Variants in MDGA2 observed in about 807,000 individuals in gnomAD.
The protein encoded by MDGA2 is MAM domain containing glycosylphosphatidylinositol anchor 2.
In MDGA2, 40 loss-of-function variants were observed where a neutral mutation model predicts 117.8. The ratio of observed to expected loss-of-function variants is 0.34; its 90% confidence interval spans 0.26 to 0.44. The LOEUF (loss-of-function observed/expected upper bound fraction) is 0.44. MDGA2 is among the 20% of genes least tolerant of loss of function. The pLI is 1.00. For missense variants in MDGA2, 1,123 were observed against 1,250.6 expected, an observed-to-expected ratio of 0.90 and a Z score of 1.54; for synonymous variants, 452 against 439.0, an observed-to-expected ratio of 1.03 and a Z score of -0.37.
At chr14:47,639,934 C>A (rs1897392123) in intron 1 of MDGA2, among the ~76,000 whole-genome samples, 1 of 152,168 alleles carries the variant, frequency 6.6e-6, no homozygotes, top group African/African-American at 2.4e-5. Context: ...CTGCTCATTA[C>A]TGCATCACTA....
intron 1 of MDGA2, among the ~76,000 whole-genome samples, chr14:47,467,573 C>A (rs914108583): frequency 1.3e-5 from 2 of 152,042 alleles, no homozygotes; most frequent in African/African-American, 4.8e-5. Context: ...AAAGAGACAG[C>A]AGAATGTAGT....
intron 1 of MDGA2, among the ~76,000 whole-genome samples, chr14:47,514,462 GTC>G (rs1270813545): frequency 6.6e-6 from 1 of 152,078 alleles, no homozygotes. Context: ...GTATTTAGAT[GTC>G]TCTAATCTTT....
At chr14:47,658,911 T>C (rs1353250223) in intron 1 of MDGA2, among the ~76,000 whole-genome samples, 1 of 152,188 alleles carries the variant, frequency 6.6e-6, no homozygotes, top group African/African-American at 2.4e-5. Context: ...TAGGACTCTG[T>C]TGCAAGTGAA....
chr14:47,242,924 T>C (rs1369206622), intron 2 of MDGA2, among the ~76,000 whole-genome samples: 3 of 151,788 alleles, frequency 2.0e-5, no homozygotes, highest in Non-Finnish European at 2.9e-5. Context: ...GGTGGGGACG[T>C]GGAGAGTCTT....
At chr14:47,473,441 G>C (rs1015494644) in intron 1 of MDGA2, among the ~76,000 whole-genome samples, 1 of 152,130 alleles carries the variant, frequency 6.6e-6, no homozygotes, top group Non-Finnish European at 1.5e-5. Flanking sequence ...CAATTTTTGA[G>C]AGAGCAAGGC....
intron 2 of MDGA2, among the ~76,000 whole-genome samples, chr14:47,273,599 T>C (rs1888215844): frequency 6.6e-6 from 1 of 152,206 alleles, no homozygotes; most frequent in African/African-American, 2.4e-5. Flanking sequence ...ATATTGATTG[T>C]CTTCTCTTAC....
chr14:46,985,988 A>T (rs979622610), intron 8 of MDGA2, among the ~76,000 whole-genome samples: 5 of 152,054 alleles, frequency 3.3e-5, no homozygotes, highest in African/African-American at 1.2e-4. Flanking sequence ...TTGCTGTAAG[A>T]ATGTGATTCA....
intron 7 of MDGA2, among the ~76,000 whole-genome samples, chr14:47,060,137 A>G (rs1202899027): frequency 1.3e-5 from 2 of 152,102 alleles, no homozygotes; most frequent in East Asian, 3.9e-4. Flanking sequence ...TAAGCTAGAA[A>G]AGAAATAATG....
chr14:47,201,707 CTG>C (rs1391966927), intron 3 of MDGA2, among the ~76,000 whole-genome samples: 9 of 152,154 alleles, frequency 5.9e-5, no homozygotes, highest in African/African-American at 1.9e-4. Flanking sequence ...CCTACTTTAT[CTG>C]TTTTTCTATT....
chr14:47,576,759 A>C (rs1896122748), intron 1 of MDGA2, among the ~76,000 whole-genome samples: 1 of 152,130 alleles, frequency 6.6e-6, no homozygotes, highest in Admixed American at 6.6e-5. Context: ...TAGTCTGTGC[A>C]TCAGTGTATC....
intron 1 of MDGA2, among the ~76,000 whole-genome samples, chr14:47,358,676 T>C (rs560284787): frequency 4.2e-4 from 64 of 152,294 alleles, no homozygotes; most frequent in African/African-American, 1.5e-3. Context: ...TAAAGACTTA[T>C]GCAAAAAATA....
intron 1 of MDGA2, among the ~76,000 whole-genome samples, chr14:47,579,584 C>T (rs1043734627): frequency 4.6e-5 from 7 of 151,826 alleles, no homozygotes; most frequent in Non-Finnish European, 5.9e-5. Context: ...CGCTAAAATC[C>T]CATAATATAT....
intron 1 of MDGA2, among the ~76,000 whole-genome samples, chr14:47,654,102 A>G (rs1053555325): frequency 1.3e-5 from 2 of 152,180 alleles, no homozygotes. Context: ...GGAGTAAATA[A>G]AAAGAAATTC....
intron 11 of MDGA2, among the ~76,000 whole-genome samples, chr14:46,880,842 T>G (rs1280592340): frequency 6.7e-6 from 1 of 148,820 alleles, no homozygotes; most frequent in Non-Finnish European, 1.5e-5. Context: ...AATAAATATA[T>G]CTAATTGCCA....
chr14:46,964,028 T>G (rs1330368203), intron 8 of MDGA2, among the ~76,000 whole-genome samples: 3 of 152,216 alleles, frequency 2.0e-5, no homozygotes, highest in Non-Finnish European at 4.4e-5. Context: ...GAAGTGATGC[T>G]GTGCCAATTT....
intron 10 of MDGA2, among the ~76,000 whole-genome samples, chr14:46,906,276 A>C (rs1238469748): frequency 6.6e-6 from 1 of 151,656 alleles, no homozygotes; most frequent in South Asian, 2.1e-4. Flanking sequence ...AAATGAGATG[A>C]GTCCTTAAAA....
At chr14:47,360,525 A>G (rs1891097461) in intron 1 of MDGA2, among the ~76,000 whole-genome samples, 1 of 152,092 alleles carries the variant, frequency 6.6e-6, no homozygotes, top group Non-Finnish European at 1.5e-5. Context: ...ACAACAATGA[A>G]ATTTCACTTT....
intron 1 of MDGA2, among the ~76,000 whole-genome samples, chr14:47,669,971 T>C (rs895452323): frequency 1.3e-5 from 2 of 152,120 alleles, no homozygotes; most frequent in African/African-American, 4.8e-5. Flanking sequence ...TCCCTTCCTA[T>C]CCATCCAGAT....
chr14:46,997,536 A>G (rs1027481895), intron 8 of MDGA2, among the ~76,000 whole-genome samples: 4 of 152,178 alleles, frequency 2.6e-5, no homozygotes, highest in African/African-American at 9.6e-5. Context: ...TTTCCTTAAA[A>G]TGAGCAGTAC....
Sources: gnomAD v4.1 joint callset for allele counts (sites outside exome capture counted in the v4.1 genomes callset) on GRCh38, gnomAD v4.1.1 for gene constraint, MANE v1.5 for transcripts, NCBI Gene and HGNC (gene_info 2026-07-23, HGNC 2026-07-21) for gene names.